MPPED2: variants seen among roughly 807,000 people sequenced by gnomAD.
MPPED2 encodes the protein metallophosphoesterase domain containing 2.
In MPPED2, 5 loss-of-function variants were observed where a neutral mutation model predicts 33.0. The ratio of observed to expected loss-of-function variants is 0.15; its 90% confidence interval spans 0.08 to 0.32. The LOEUF (loss-of-function observed/expected upper bound fraction) is 0.32, where lower values mean the gene tolerates loss of function less well. Among genes scored for constraint, MPPED2 ranks in the 10% least tolerant of loss-of-function variants. The pLI, the probability that MPPED2 is intolerant of heterozygous loss-of-function variation, is 1.00. For missense variants in MPPED2, 275 were observed against 372.1 expected, an observed-to-expected ratio of 0.74 and a Z score of 2.15; for synonymous variants, 136 against 141.9, an observed-to-expected ratio of 0.96 and a Z score of 0.29.
intron 4 of MPPED2, among the ~76,000 whole-genome samples, chr11:30,463,184 A>G (rs1950576283): frequency 6.6e-6 from 1 of 152,242 alleles, no homozygotes; most frequent in Admixed American, 6.5e-5. Flanking sequence ...GGCAATTTTG[A>G]AATATCAATT....
intron 5 of MPPED2, among the ~76,000 whole-genome samples, chr11:30,415,937 C>G (rs965670395): frequency 8.5e-5 from 13 of 152,168 alleles, no homozygotes; most frequent in Admixed American, 1.3e-4. Context: ...ATGCCTGCAC[C>G]CAATTAGGCT....
chr11:30,567,528 T>C (rs1956499755), intron 2 of MPPED2, among the ~76,000 whole-genome samples: 1 of 152,106 alleles, frequency 6.6e-6, no homozygotes, highest in African/African-American at 2.4e-5. Flanking sequence ...TCCCTCCAGT[T>C]TCTTATTCTC....
intron 2 of MPPED2, among the ~76,000 whole-genome samples, chr11:30,571,238 A>G (rs1956676192): frequency 6.6e-6 from 1 of 151,828 alleles, no homozygotes; most frequent in Admixed American, 6.6e-5. Context: ...AGAGAAGCTT[A>G]TATTCTTGAT....
intron 4 of MPPED2, among the ~76,000 whole-genome samples, chr11:30,454,339 T>C (rs1303904728): frequency 6.6e-6 from 1 of 152,132 alleles, no homozygotes; most frequent in Non-Finnish European, 1.5e-5. Context: ...GCTACAGCCA[T>C]AACCACGATG....
chr11:30,484,534 G>C (rs1289114561), intron 4 of MPPED2, among the ~76,000 whole-genome samples: 4 of 151,990 alleles, frequency 2.6e-5, no homozygotes, highest in Non-Finnish European at 4.4e-5. Context: ...ACACTCACTT[G>C]GTGTTGGAGC....
intron 4 of MPPED2, among the ~76,000 whole-genome samples, chr11:30,482,402 A>G (rs978796066): frequency 1.3e-5 from 2 of 152,216 alleles, no homozygotes; most frequent in Admixed American, 1.3e-4. Context: ...TTCAAGGTGA[A>G]TGTAAGAATG....
At chr11:30,501,606 T>A in intron 3 of MPPED2, 1 of 977,830 alleles carries the variant, frequency 1.0e-6, no homozygotes, top group South Asian at 4.7e-5. Flanking sequence ...ATGATTAGTA[T>A]AACCTGTAAT....
Position 30,491,040 on chromosome 11 carries a change from G to A in MPPED2, c.536+4256C>T, listed in dbSNP as rs533392438. ...CCAAAAAAGTCACTGTGAAAACAGG[G>A]AAATCAAACAATCAATTTACATTAT... On this transcript the variant is annotated intron_variant, in intron 4 of 6. Coordinates refer to ENST00000358117, the MANE Select transcript of MPPED2 (RefSeq NM_001584.3). 2.0e-4 allele frequency among the ~76,000 whole-genome samples: 30 copies of A among 152,278 alleles called. 1 individual carries two copies. In the South Asian group the frequency reaches 6.2e-3, roughly 32 times the overall value.
At chr11:30,569,357 G>C (rs1201627735) in intron 2 of MPPED2, among the ~76,000 whole-genome samples, 2 of 152,170 alleles carry the variant, frequency 1.3e-5, no homozygotes, top group East Asian at 3.9e-4. Context: ...GAAAGCATTA[G>C]ACTTTTTGAA....
At chr11:30,450,820 A>AG (rs1950025141) in intron 4 of MPPED2, among the ~76,000 whole-genome samples, 1 of 152,214 alleles carries the variant, frequency 6.6e-6, no homozygotes, top group Admixed American at 6.5e-5. Context: ...GGGTACAGAT[A>AG]GATTATTAGC....
intron 2 of MPPED2, among the ~76,000 whole-genome samples, chr11:30,554,902 G>A (rs937572837): frequency 1.3e-5 from 2 of 152,128 alleles, no homozygotes; most frequent in East Asian, 3.9e-4. Flanking sequence ...ACTGCTCATT[G>A]TGATTTCTTG....
intron 4 of MPPED2, among the ~76,000 whole-genome samples, chr11:30,464,444 G>A (rs1441319525): frequency 6.6e-6 from 1 of 152,148 alleles, no homozygotes; most frequent in African/African-American, 2.4e-5. Flanking sequence ...ACTTACACAT[G>A]TCATCCTTTC....
intron 2 of MPPED2, among the ~76,000 whole-genome samples, chr11:30,554,676 G>C (rs1438521930): frequency 6.6e-6 from 1 of 152,036 alleles, no homozygotes; most frequent in Non-Finnish European, 1.5e-5. Flanking sequence ...TGCATTTTTA[G>C]TAGAGATGGG....
chr11:30,531,126 C>T (rs148104184), intron 3 of MPPED2, among the ~76,000 whole-genome samples: 91 of 152,308 alleles, frequency 6.0e-4, no homozygotes, highest in African/African-American at 2.0e-3. Flanking sequence ...TTACCTAGAA[C>T]ACATCTTAGC....
chr11:30,581,923 A>G (rs1957186674), intron 1 of MPPED2, among the ~76,000 whole-genome samples: 1 of 152,102 alleles, frequency 6.6e-6, no homozygotes, highest in African/African-American at 2.4e-5. Flanking sequence ...CTTTTTCCTG[A>G]CTTCATGGGA....
chr11:30,462,491 G>A (rs765628285), intron 4 of MPPED2, among the ~76,000 whole-genome samples: 2 of 152,126 alleles, frequency 1.3e-5, no homozygotes, highest in East Asian at 1.9e-4. Context: ...TCTTTTAAAA[G>A]TATGTTCAAA....
chr11:30,579,265 C>T (rs772557475), intron 2 of MPPED2, among the ~76,000 whole-genome samples: 2 of 151,994 alleles, frequency 1.3e-5, no homozygotes, highest in Non-Finnish European at 2.9e-5. Context: ...AAAAAAAGAG[C>T]TTGTGACTTG....
At chr11:30,499,745 C>A (rs1168608224) in intron 3 of MPPED2, among the ~76,000 whole-genome samples, 2 of 152,196 alleles carry the variant, frequency 1.3e-5, no homozygotes, top group Non-Finnish European at 2.9e-5. Flanking sequence ...CCTCATTTCA[C>A]TTCTAAACTT....
intron 2 of MPPED2, among the ~76,000 whole-genome samples, chr11:30,555,126 T>C (rs1026093540): frequency 2.6e-5 from 4 of 152,182 alleles, no homozygotes; most frequent in African/African-American, 9.7e-5. Flanking sequence ...ACTTTTTTTC[T>C]TCCTCCTCAT....
Sources: allele counts gnomAD v4.1 joint callset (sites outside exome capture counted in the v4.1 genomes callset), GRCh38; gene constraint gnomAD v4.1.1; transcripts MANE v1.5; gene names NCBI Gene and HGNC (gene_info 2026-07-23, HGNC 2026-07-21).